Variants in TMEM192 observed in about 807,000 individuals in gnomAD.
TMEM192 encodes the protein transmembrane protein 192.
Under a neutral mutation model 26.7 loss-of-function variants are expected in TMEM192, and 20 were observed. The ratio of observed to expected loss-of-function variants is 0.75; its 90% CI spans 0.53 to 1.09. The LOEUF (loss-of-function observed/expected upper bound fraction) is 1.09, where lower values mean the gene tolerates loss of function less well. Among genes scored for constraint, TMEM192 ranks in the 50% least tolerant of loss-of-function variants. The probability of loss-of-function intolerance (pLI) is 0.00; values close to 1 mark genes in which losing one functional copy is unlikely to be tolerated. For missense variants in TMEM192, 304 were observed against 322.6 expected, an observed-to-expected ratio of 0.94 and a Z score of 0.44; for synonymous variants, 124 against 121.0, an observed-to-expected ratio of 1.02 and a Z score of -0.16.
Position 165,100,941 on chromosome 4 carries a change from G to C in TMEM192, c.175-49C>G. On this transcript the variant is annotated intron_variant, in intron 2 of 5. Coordinates refer to ENST00000306480, the MANE Select transcript of TMEM192 (RefSeq NM_001100389.2). Reference sequence around the variant, plus strand: ...ATTAATATTCAATATTTGTAATTAGGAAGCAATAACTACCATCCCAGCATA... The same window carrying C: ...ATTAATATTCAATATTTGTAATTAGCAAGCAATAACTACCATCCCAGCATA... The C allele has an allele frequency of 2.0e-6, 3 of 1,477,016 alleles. No homozygotes were observed. The South Asian group carries it at 3.9e-5, about 19-fold the overall frequency. The allele number at this position is 1,477,016 out of a possible 1,614,324, so 91.5% of individuals were successfully genotyped here.
At position 165,085,586 on chromosome 4, in the gene TMEM192, C is replaced by G; in HGVS notation, c.677G>C (p.Arg226Thr). The change falls in exon 5 of 6, where the codon AGA (arginine) becomes ACA (threonine). Residue 226 changes from arginine (R) to threonine (T), a missense_variant and splice_region_variant. Arg to Thr is a moderately conservative substitution (Grantham distance 71). Transcript: ENST00000306480. The part of the protein sequence containing the change: ...PSNITSETGF[R>T]TISSLEEIVE... ...TATTTTATTCTCACCTAAATCTTAC[C>G]TGAATCCAGTCTCCGAGGTAATATT... The G allele has an allele frequency of 6.3e-7, 1 of 1,599,684 alleles. No individual in the cohort carries two copies. Among genetic ancestry groups the G allele is most frequent in the Non-Finnish European group, 8.5e-7 (1 of 1,173,072 alleles).
rs1286500446 is a variant in TMEM192 at position 165,112,760 on chromosome 4, C to G, written c.14G>C (p.Gly5Ala). The G allele has an allele frequency of 6.2e-7, 1 of 1,607,782 alleles. No homozygotes were observed. The highest frequency in any genetic ancestry group is 1.7e-5 in the Admixed American group (1 of 59,892). ...CCGTGCACTCACGTCCTCCATCCTG[C>G]CCCCCGCCGCCATTTCCCGACGCCG... Reference protein sequence around the residue: MAAGGRMEDGSLDIT... With the variant: MAAGARMEDGSLDIT... The change falls in exon 1 of 6, where the codon GGC (glycine) becomes GCC (alanine). Residue 5 changes from glycine to alanine, a missense_variant. Gly to Ala is a moderately conservative substitution (Grantham distance 60). Coordinates refer to ENST00000306480, the MANE Select transcript of TMEM192 (RefSeq NM_001100389.2).
Position 165,079,756 on chromosome 4 carries a change from C to T in TMEM192, c.718G>A (p.Asp240Asn), listed in dbSNP as rs201314834. ...SLEEIVEKQG[D>N]TIEYLKRHNA... ...TGTCGCTTCAGGTATTCAATGGTGTCTCCTTGCTTTTCAACAATTTCTTCT... is the reference window on the plus strand; with the variant it reads ...TGTCGCTTCAGGTATTCAATGGTGTTTCCTTGCTTTTCAACAATTTCTTCT... Residue 240 changes from aspartate (D) to asparagine (N), a missense_variant, in exon 6 of 6, where the codon GAC (aspartate) becomes AAC (asparagine). Coordinates refer to ENST00000306480, the MANE Select transcript of TMEM192 (RefSeq NM_001100389.2). 6.2e-7 allele frequency: 1 copy of T among 1,613,996 alleles called. No homozygotes were observed. The highest frequency in any genetic ancestry group is 8.5e-7 in the Non-Finnish European group (1 of 1,179,960).
chr4:165,104,507 C>T (rs930369775), intron 1 of TMEM192, among the ~76,000 whole-genome samples: 7 of 152,062 alleles, frequency 4.6e-5, no homozygotes, highest in African/African-American at 1.7e-4. Flanking sequence ...TTCAACACTG[C>T]TCTGCAACTG....
rs1247927392 is a variant in TMEM192, at chr4:165,076,379, G to GGATC, written c.*3275_*3278dup. On this transcript the variant is annotated 3_prime_UTR_variant, in exon 6 of 6. Transcript: ENST00000306480. Reference sequence around the variant, plus strand: ...ACTTCCTTGCTTGAAATGCTTCAGAGGATCCCATTATCAACAAGATAAAGT... The same window carrying GGATC: ...ACTTCCTTGCTTGAAATGCTTCAGAGGATCGATCCCATTATCAACAAGATAAAGT... The GGATC allele has an allele frequency of 1.2e-4, 18 of 152,114 alleles. No individual in the cohort carries two copies. Among genetic ancestry groups the GGATC allele is most frequent in the Admixed American group, 8.5e-4 (13 of 15,242 alleles). The allele number at this position is 152,114 out of a possible 1,614,324, so 9.4% of individuals were successfully genotyped here.
chr4:165,088,836 C>T (rs759235991), intron 3 of TMEM192, among the ~76,000 whole-genome samples: 4 of 151,276 alleles, frequency 2.6e-5, no homozygotes, highest in East Asian at 2.0e-4. Context: ...CCCAGGTGGT[C>T]GAGACCAGCT....
chr4:165,104,252 A>G (rs1735112631), intron 1 of TMEM192, among the ~76,000 whole-genome samples: 1 of 152,224 alleles, frequency 6.6e-6, no homozygotes, highest in Non-Finnish European at 1.5e-5. Flanking sequence ...CAAATCAGCA[A>G]ATGAAAAGCA....
At chr4:165,084,476 G>C (rs892013495) in intron 5 of TMEM192, among the ~76,000 whole-genome samples, 1 of 151,918 alleles carries the variant, frequency 6.6e-6, no homozygotes, top group Non-Finnish European at 1.5e-5. Context: ...TGGGATTACA[G>C]GCGTGAGCTG....
chr4:165,087,960 A>C (rs1406093178), intron 4 of TMEM192, among the ~76,000 whole-genome samples: 1 of 152,172 alleles, frequency 6.6e-6, no homozygotes, highest in Non-Finnish European at 1.5e-5. Flanking sequence ...CCCAGGCTGG[A>C]GTGCAGGCAT....
chr4:165,099,382 G>A (rs975578515), intron 3 of TMEM192, among the ~76,000 whole-genome samples: 1 of 151,872 alleles, frequency 6.6e-6, no homozygotes, highest in Non-Finnish European at 1.5e-5. Flanking sequence ...TACTGTGCCC[G>A]GCCATTTACT....
chr4:165,109,657 A>C (rs116093980), intron 1 of TMEM192, among the ~76,000 whole-genome samples: 16 of 152,174 alleles, frequency 1.1e-4, no homozygotes, highest in Admixed American at 7.2e-4. Context: ...GAGCCACCGC[A>C]CCTGGCCAGA....
intron 1 of TMEM192, among the ~76,000 whole-genome samples, chr4:165,112,243 C>G (rs1279525051): frequency 6.6e-6 from 1 of 152,212 alleles, no homozygotes; most frequent in African/African-American, 2.4e-5. Context: ...CGCTGGCGCC[C>G]GGCCCGAGCG....
intron 3 of TMEM192, among the ~76,000 whole-genome samples, chr4:165,091,113 A>C (rs760801603): frequency 1.3e-5 from 2 of 151,674 alleles, no homozygotes; most frequent in Non-Finnish European, 2.9e-5. Flanking sequence ...AAAATACGAA[A>C]AAAATTAGCC....
At chr4:165,079,881 A>T (rs1250167910) in intron 5 of TMEM192, 85 bp from the exon 6 acceptor site, 13 of 1,351,528 alleles carry the variant, frequency 9.6e-6, no homozygotes, top group Non-Finnish European at 1.3e-5. Flanking sequence ...ACTAGTTTTT[A>T]GTAAAGCATA....
At chr4:165,092,978 C>T (rs935016925) in intron 3 of TMEM192, among the ~76,000 whole-genome samples, 5 of 151,490 alleles carry the variant, frequency 3.3e-5, no homozygotes, top group Admixed American at 2.0e-4. Context: ...CAACACAAAG[C>T]TACCTTCTAG....
intron 5 of TMEM192, 114 bp downstream of exon 5, chr4:165,085,472 C>T: frequency 1.4e-6 from 1 of 718,414 alleles, no homozygotes; most frequent in Non-Finnish European, 2.3e-6. Context: ...AGGAAATAAA[C>T]AAATCAAACA....
chr4:165,076,741 A>G lies in TMEM192; in HGVS notation c.*2917T>C, dbSNP rs1261983844. 1 of 152,154 alleles carries G rather than the reference A, an allele frequency of 6.6e-6. No individual in the cohort carries two copies. The highest frequency in any genetic ancestry group is 1.5e-5 in the Non-Finnish European group (1 of 68,036). 9.4% of individuals were successfully genotyped at this position (152,154 alleles called of 1,614,324 possible). On this transcript the variant is annotated 3_prime_UTR_variant, in exon 6 of 6. Transcript: ENST00000306480. Reference sequence around the variant, plus strand: ...TTTTTGTATCCTCAGTGCTAGCACAATTACCAGCCTGGTGAATAGAATGTT... The same window carrying G: ...TTTTTGTATCCTCAGTGCTAGCACAGTTACCAGCCTGGTGAATAGAATGTT...
At chr4:165,108,926 C>T (rs1735232599) in intron 1 of TMEM192, among the ~76,000 whole-genome samples, 2 of 152,230 alleles carry the variant, frequency 1.3e-5, no homozygotes, top group South Asian at 4.1e-4. Flanking sequence ...AGCCTGCACA[C>T]TCTTTCAAGG....
intron 3 of TMEM192, among the ~76,000 whole-genome samples, chr4:165,089,039 GCAAAAAAAAAAA>G (rs1379512472): frequency 4.6e-5 from 1 of 21,820 alleles, no homozygotes; most frequent in African/African-American, 2.3e-4. Flanking sequence ...AGACCCTACT[GCAAAAAAAAAAA>G]AAAAAAAAAA....
Sources: gnomAD v4.1 joint callset for allele counts (sites outside exome capture counted in the v4.1 genomes callset) on GRCh38, gnomAD v4.1.1 for gene constraint, MANE v1.5 for transcripts, NCBI Gene and HGNC (gene_info 2026-07-23, HGNC 2026-07-21) for gene names.